Variants in CR1 observed in about 807,000 individuals in gnomAD.
CR1 encodes the protein complement C3b/C4b receptor 1 (Knops blood group).
Under a neutral mutation model 187.3 loss-of-function variants are expected in CR1, and 116 were observed. That is an observed-to-expected ratio of 0.62 (90% CI 0.53 to 0.72). The LOEUF (loss-of-function observed/expected upper bound fraction) is 0.72, where lower values mean the gene tolerates loss of function less well. Ranked by LOEUF, CR1 falls within the 30% of genes least tolerant of loss-of-function variation. The pLI, the probability that CR1 is intolerant of heterozygous loss-of-function variation, is 0.00. For missense variants in CR1, 1,731 were observed against 2,110.7 expected (o/e 0.82, Z 3.52); for synonymous variants, 576 against 747.1 (o/e 0.77, Z 3.73).
At chr1:207,612,129 C>G (rs1661954304) in intron 39 of CR1, 88 bp downstream of exon 39, 15 of 1,345,064 alleles carry the variant, frequency 1.1e-5, no homozygotes, top group Non-Finnish European at 1.5e-5. Flanking sequence ...AGGAGCTGAC[C>G]TAGTAGATAA....
chr1:207,632,645 A>C (rs533718586), intron 46 of CR1, among the ~76,000 whole-genome samples: 34 of 151,824 alleles, frequency 2.2e-4, no homozygotes, highest in Middle Eastern at 3.4e-3. Flanking sequence ...CACACACACA[A>C]AATTTAGCCA....
At position 207,604,041 on chromosome 1, in the gene CR1, A is replaced by C. The variant is rs552084122; in HGVS notation, c.5811-3210A>C. Reference sequence around the variant, plus strand: ...CATGACCTACGGAGTGAGTCACAACAGTGACTCTTTCTTTGAGTTTATATT... The same window carrying C: ...CATGACCTACGGAGTGAGTCACAACCGTGACTCTTTCTTTGAGTTTATATT... On this transcript the variant is annotated intron_variant, in intron 35 of 46. Coordinates refer to ENST00000367049, the MANE Select transcript of CR1 (RefSeq NM_000651.6). Among the ~76,000 whole-genome samples, 10 of 152,280 alleles carry C rather than the reference A, an allele frequency of 6.6e-5. No individual in the cohort carries two copies. In the East Asian group the frequency reaches 1.9e-3, roughly 29 times the overall value.
chr1:207,567,298 G>C (rs1354385493), intron 24 of CR1, among the ~76,000 whole-genome samples: 1 of 144,592 alleles, frequency 6.9e-6, no homozygotes, highest in Non-Finnish European at 1.5e-5. Context: ...GCCTGACTAT[G>C]TTTCAATTCA....
intron 46 of CR1, among the ~76,000 whole-genome samples, chr1:207,635,638 T>C (rs1012672842): frequency 2.0e-5 from 3 of 152,124 alleles, no homozygotes; most frequent in African/African-American, 7.2e-5. Flanking sequence ...CTTTTACTAA[T>C]CTTCCTCAGC....
intron 34 of CR1, among the ~76,000 whole-genome samples, chr1:207,588,445 A>G (rs1241213113): frequency 1.3e-5 from 2 of 152,232 alleles, no homozygotes; most frequent in Non-Finnish European, 2.9e-5. Context: ...TGCTAGGATT[A>G]CAGGCGAGAG....
chr1:207,595,141 G>GAAA (rs76679590), intron 35 of CR1, among the ~76,000 whole-genome samples: 5 of 92,832 alleles, frequency 5.4e-5, no homozygotes, highest in African/African-American at 1.8e-4. Context: ...CCAACCCCCG[G>GAAA]AAAAAAAAAA....
intron 1 of CR1, 66 bp downstream of exon 1, chr1:207,496,454 T>A: frequency 6.0e-6 from 9 of 1,501,502 alleles, no homozygotes; most frequent in Non-Finnish European, 8.1e-6. Context: ...CGCAGAGAAC[T>A]CGCGTGCAGC....
intron 3 of CR1, among the ~76,000 whole-genome samples, chr1:207,509,057 G>A (rs944772400): frequency 7.2e-5 from 11 of 152,142 alleles, no homozygotes; most frequent in African/African-American, 2.4e-4. Context: ...ATTTAAGGTT[G>A]AAAATGTGCT....
At chr1:207,511,526 C>T (rs1222376287) in intron 3 of CR1, 43 bp from the exon 4 acceptor site, 5 of 1,580,626 alleles carry the variant, frequency 3.2e-6, no homozygotes, top group Non-Finnish European at 4.3e-6. Context: ...GGGTAGTTGA[C>T]CTGTGTCTTT....
intron 4 of CR1, among the ~76,000 whole-genome samples, chr1:207,521,732 C>T (rs1445845062): frequency 1.4e-5 from 2 of 142,944 alleles, no homozygotes; most frequent in Non-Finnish European, 3.0e-5. Flanking sequence ...TTCACAGGCT[C>T]AAGCAATTCT....
At position 207,616,787 on chromosome 1, in the gene CR1, C is replaced by T; in HGVS notation, c.6874C>T (p.Leu2292Phe). 6.2e-7 allele frequency: 1 copy of T among 1,613,962 alleles called. No individual in the cohort carries two copies. The highest frequency in any genetic ancestry group is 8.5e-7 in the Non-Finnish European group (1 of 1,179,862). The change falls in exon 41 of 47, where the codon CTT becomes TTT. Residue 2292 changes from leucine to phenylalanine, a missense_variant. Leu to Phe is a conservative substitution (Grantham distance 22). Coordinates refer to ENST00000367049, the MANE Select transcript of CR1 (RefSeq NM_000651.6). ...GAGCAGCCCTGCCCCTCGCTGTGAACTTTCTGTTCCTGCTGGTTAGTACCT... is the reference window on the plus strand; with the variant it reads ...GAGCAGCCCTGCCCCTCGCTGTGAATTTTCTGTTCCTGCTGGTTAGTACCT... ...VWSSPAPRCE[L>F]SVPAACPHPP...
intron 35 of CR1, among the ~76,000 whole-genome samples, chr1:207,601,279 A>G (rs886519990): frequency 5.6e-4 from 86 of 152,284 alleles, no homozygotes; most frequent in African/African-American, 1.9e-3. Context: ...TAAAAATATT[A>G]TATCTTCTCT....
chr1:207,630,613 A>T lies in CR1; in HGVS notation c.7449A>T (p.Glu2483Asp), dbSNP rs189822933. ...CCCGAACTCTGCAAACAAATGAAGA[A>T]AATAGCAGGTACCTATATACATACT... ...VHPRTLQTNE[E>D]NSRVLP The change falls in exon 46 of 47, where the codon GAA becomes GAT. Residue 2483 changes from glutamate (E) to aspartate (D), a missense_variant. Transcript: ENST00000367049. The T allele has an allele frequency of 1.3e-4, 200 of 1,596,716 alleles. 1 individual carries two copies. The Middle Eastern group carries it at 1.8e-3, about 15-fold the overall frequency.
chr1:207,504,537 A>G (rs1321806412), intron 1 of CR1, among the ~76,000 whole-genome samples: 2 of 152,180 alleles, frequency 1.3e-5, no homozygotes, highest in Non-Finnish European at 2.9e-5. Context: ...CCCCAAAATC[A>G]GTAAAGTATC....
chr1:207,626,678 C>T (rs1429609109), intron 45 of CR1, among the ~76,000 whole-genome samples: 1 of 152,230 alleles, frequency 6.6e-6, no homozygotes, highest in Non-Finnish European at 1.5e-5. Flanking sequence ...GAGGTGCAGG[C>T]TGACTTCTAC....
At chr1:207,588,795 C>A in intron 35 of CR1, 21 bp downstream of exon 35, 1 of 1,525,096 alleles carries the variant, frequency 6.6e-7, no homozygotes, top group Non-Finnish European at 9.0e-7. Flanking sequence ...AATACCATCT[C>A]TTGAATATGA....
chr1:207,612,105 G>C (rs558623895), intron 39 of CR1, 64 bp downstream of exon 39: 3 of 1,522,292 alleles, frequency 2.0e-6, no homozygotes, highest in South Asian at 1.1e-5. Flanking sequence ...TGAGATCAGG[G>C]GTTAATCCAA....
At position 207,586,729 on chromosome 1, in the gene CR1, C is replaced by T. The variant is rs561918582; in HGVS notation, c.5531-657C>T. Among the ~76,000 whole-genome samples, 21 of 152,248 alleles carry T rather than the reference C, an allele frequency of 1.4e-4. No homozygotes were observed. The East Asian group carries it at 3.5e-3, about 25-fold the overall frequency. On this transcript the variant is annotated intron_variant, in intron 33 of 46. Coordinates refer to ENST00000367049, the MANE Select transcript of CR1 (RefSeq NM_000651.6). ...ATTCAAATCCCTGCCTCCATCATAG[C>T]CTTTTCCCCTGTGTCTCTATATGTC...
At chr1:207,501,509 T>C (rs1659268070) in intron 1 of CR1, among the ~76,000 whole-genome samples, 1 of 152,222 alleles carries the variant, frequency 6.6e-6, no homozygotes, top group South Asian at 2.1e-4. Context: ...GAGGGATTGG[T>C]AATAAAGGAG....
Sources: gnomAD v4.1 joint callset for allele counts (sites outside exome capture counted in the v4.1 genomes callset) on GRCh38, gnomAD v4.1.1 for gene constraint, MANE v1.5 for transcripts, NCBI Gene and HGNC (gene_info 2026-07-23, HGNC 2026-07-21) for gene names.